Variants in DMC1 observed in about 807,000 individuals in gnomAD.
DMC1 encodes DNA meiotic recombinase 1.
DMC1 carries 27 observed loss-of-function variants against 50.1 expected under a neutral mutation model. The ratio of observed to expected loss-of-function variants is 0.54; its 90% CI spans 0.40 to 0.74. DMC1 has a LOEUF of 0.74. DMC1 is among the 30% of genes least tolerant of loss of function. The pLI, the probability that DMC1 is intolerant of heterozygous loss-of-function variation, is 0.00. For synonymous variants in DMC1, 148 were observed against 136.1 expected (o/e 1.09, Z -0.61); for missense variants, 295 against 420.2 (o/e 0.70, Z 2.60).
chr22:38,537,676 A>G, intron 11 of DMC1, 24 bp from the exon 12 acceptor site: 1 of 1,584,690 alleles, frequency 6.3e-7, no homozygotes, highest in Middle Eastern at 1.7e-4. Flanking sequence ...TAAAATTTTA[A>G]AACTATGAGA....
At chr22:38,516,061 CA>C (rs2089974772), downstream of DMC1, among the ~76,000 whole-genome samples, 2 of 152,164 alleles carry the variant, frequency 1.3e-5, no homozygotes, top group African/African-American at 4.8e-5. Context: ...ACTGGAAAGC[CA>C]TGGTCCTTTG....
At chr22:38,533,338 G>A (rs2090174518) in intron 12 of DMC1, among the ~76,000 whole-genome samples, 2 of 148,170 alleles carry the variant, frequency 1.3e-5, no homozygotes, top group Non-Finnish European at 3.0e-5. Context: ...GGAGCTTGCA[G>A]TGAGCCGAGA....
intron 1 of DMC1, among the ~76,000 whole-genome samples, chr22:38,568,920 T>C (rs2090609260): frequency 6.6e-6 from 1 of 152,108 alleles, no homozygotes; most frequent in Non-Finnish European, 1.5e-5. Flanking sequence ...GGTCCGGGTG[T>C]GGAGGCTCAT....
At chr22:38,511,627 G>C in the DMC1 span, among the ~76,000 whole-genome samples, 1 of 151,974 alleles carries the variant, frequency 6.6e-6, no homozygotes, top group African/African-American at 2.4e-5. Context: ...GAGAAGACAG[G>C]GTCTTGTTCT....
At chr22:38,539,648 TTAAC>T (rs1263882259) in intron 8 of DMC1, among the ~76,000 whole-genome samples, 2 of 152,198 alleles carry the variant, frequency 1.3e-5, no homozygotes, top group African/African-American at 4.8e-5. Context: ...AGTAATGACT[TTAAC>T]TATTAAATTA....
In DMC1 at chr22:38,528,061, G is replaced by A. The variant is rs114355869; in HGVS notation, c.837-6337C>T. On this transcript the variant is annotated intron_variant, in intron 12 of 13. Transcript: ENST00000216024. ...GCATTGTAAGGATTCAATATATATTGAATTTTTTTTTTTTTTTTGAGACAG... is the reference window on the plus strand; with the variant it reads ...GCATTGTAAGGATTCAATATATATTAAATTTTTTTTTTTTTTTTGAGACAG... Among the ~76,000 whole-genome samples the A allele has an allele frequency of 8.7e-3, 1,290 of 149,010 alleles. 18 individuals carry two copies. Among genetic ancestry groups the A allele is most frequent in the African/African-American group, 0.03 (1,229 of 40,520 alleles).
chr22:38,521,772 T>A (rs1483631052), intron 12 of DMC1, 48 bp from the exon 13 acceptor site: 2 of 1,248,710 alleles, frequency 1.6e-6, no homozygotes, highest in Non-Finnish European at 1.2e-6. Context: ...GGACTATATA[T>A]GGCAATATCT....
intron 6 of DMC1, among the ~76,000 whole-genome samples, chr22:38,553,725 G>A (rs886610682): frequency 2.0e-5 from 3 of 151,730 alleles, no homozygotes; most frequent in Admixed American, 6.6e-5. Context: ...TTGGGAGGCC[G>A]AGGCGGGCAG....
the DMC1 span, among the ~76,000 whole-genome samples, chr22:38,512,451 C>A: frequency 6.6e-6 from 1 of 152,152 alleles, no homozygotes; most frequent in African/African-American, 2.4e-5. Context: ...TCTGGACTGC[C>A]TAGCTTTAGA....
In DMC1 at chr22:38,536,866, T is replaced by C. The variant is rs572540928; in HGVS notation, c.836+726A>G. ...ACTGTGCAATAAAGTGATTTTTTTT[T>C]TGAGATGCAGTTTTGCTCTTGTTGC... is the stretch of plus-strand genomic sequence containing the variant. On this transcript the variant is annotated intron_variant, in intron 12 of 13. Transcript: ENST00000216024. Among the ~76,000 whole-genome samples the C allele has an allele frequency of 7.3e-4, 111 of 152,306 alleles. 1 individual carries two copies. Among genetic ancestry groups the C allele is most frequent in the South Asian group, 8.3e-4 (4 of 4,828 alleles).
chr22:38,537,240 A>C (rs1351089124), intron 12 of DMC1, among the ~76,000 whole-genome samples: 2 of 151,534 alleles, frequency 1.3e-5, no homozygotes, highest in East Asian at 3.9e-4. Flanking sequence ...TTGAGATAGA[A>C]TCTTGCTCTG....
intron 5 of DMC1, among the ~76,000 whole-genome samples, chr22:38,556,180 C>T (rs2090467532): frequency 6.6e-6 from 1 of 152,080 alleles, no homozygotes; most frequent in Admixed American, 6.6e-5. Flanking sequence ...AACTATGTTT[C>T]TATAGTCAAT....
the DMC1 span, among the ~76,000 whole-genome samples, chr22:38,509,574 GT>G: frequency 6.6e-6 from 1 of 152,138 alleles, no homozygotes; most frequent in Non-Finnish European, 1.5e-5. Context: ...CATTGTCGGG[GT>G]GAAATTCAAC....
chr22:38,560,170 A>G (rs2090511841), intron 5 of DMC1, among the ~76,000 whole-genome samples: 2 of 152,206 alleles, frequency 1.3e-5, no homozygotes, highest in Non-Finnish European at 1.5e-5. Flanking sequence ...ACTGTCAAAT[A>G]AAGTGATCAG....
In DMC1 at chr22:38,568,196, T is replaced by C. The variant is rs375845655; in HGVS notation, c.51+10A>G. 1.2e-6 allele frequency: 2 copies of C among 1,613,370 alleles called. No homozygotes were observed. The highest frequency in any genetic ancestry group is 1.7e-6 in the Non-Finnish European group (2 of 1,179,410). On this transcript the variant is annotated intron_variant, in intron 2 of 13. Coordinates refer to ENST00000216024, the MANE Select transcript of DMC1 (RefSeq NM_007068.4). Reference sequence around the variant, plus strand: ...GAATGTCTATATATCTTTCAACATTTTAGTCATACCTCTTCATCTTGGAAT... The same window carrying C: ...GAATGTCTATATATCTTTCAACATTCTAGTCATACCTCTTCATCTTGGAAT...
intron 12 of DMC1, among the ~76,000 whole-genome samples, chr22:38,527,516 CTTTTTT>C (rs891065117): frequency 1.6e-5 from 2 of 127,284 alleles, no homozygotes; most frequent in African/African-American, 2.9e-5. Flanking sequence ...CCTTTTTCTC[CTTTTTT>C]TTTTTTTTTT....
chr22:38,527,632 G>A (rs1454503468), intron 12 of DMC1, among the ~76,000 whole-genome samples: 1 of 148,782 alleles, frequency 6.7e-6, no homozygotes, highest in Non-Finnish European at 1.5e-5. Flanking sequence ...AATTCTCCCT[G>A]CCTCAGCCTC....
At chr22:38,514,726 C>T (rs1451900477), downstream of DMC1, among the ~76,000 whole-genome samples, 1 of 152,162 alleles carries the variant, frequency 6.6e-6, no homozygotes, top group Non-Finnish European at 1.5e-5. Context: ...ACACTCCCAC[C>T]AGCGCCATGA....
intron 12 of DMC1, among the ~76,000 whole-genome samples, chr22:38,535,534 A>G (rs78275933): frequency 0.017 from 2,563 of 152,190 alleles, 31 homozygotes; most frequent in Non-Finnish European, 0.026. Context: ...ATGCAGTGGC[A>G]TGAATTCATT....
Sources: allele counts gnomAD v4.1 joint callset (sites outside exome capture counted in the v4.1 genomes callset), GRCh38; gene constraint gnomAD v4.1.1; transcripts MANE v1.5; gene names NCBI Gene and HGNC (gene_info 2026-07-23, HGNC 2026-07-21).